COX18: variants seen among roughly 807,000 people sequenced by gnomAD.
COX18 encodes cytochrome c oxidase assembly factor COX18, also known as cytochrome c oxidase assembly protein COX18, mitochondrial.
In COX18, 45 loss-of-function variants were observed where a neutral mutation model predicts 38.0. That is an observed-to-expected ratio of 1.18 (90% CI 0.93 to 1.52). The LOEUF is 1.52. Among genes scored for constraint, COX18 ranks in the 40% most tolerant of loss-of-function variants. The pLI, the probability that COX18 is intolerant of heterozygous loss-of-function variation, is 0.00. For synonymous variants in COX18, 177 were observed against 169.8 expected, an observed-to-expected ratio of 1.04 and a Z score of -0.33; for missense variants, 462 against 423.8, an observed-to-expected ratio of 1.09 and a Z score of -0.79.
intron 3 of COX18, 55 bp downstream of exon 3, chr4:73,065,195 T>TAGTAAAAA: frequency 8.1e-7 from 1 of 1,241,506 alleles, no homozygotes; most frequent in Non-Finnish European, 1.1e-6. Context: ...TTTTTTTTTT[T>TAGTAAAAA]TAGTACAAAG....
At chr4:73,067,864 A>AAAAAAAATATATAAATATAT in intron 2 of COX18, among the ~76,000 whole-genome samples, 165 bp downstream of exon 2, 1 of 20,010 alleles carries the variant, frequency 5.0e-5, no homozygotes, top group Non-Finnish European at 1.6e-4. Context: ...AAAAAAAAAA[A>AAAAAAAATATATAAATATAT]ATATATATAT....
In COX18 at chr4:73,057,198, G is replaced by A. The variant is rs1321681360; in HGVS notation, c.*916C>T. 1 of 151,890 alleles carries A rather than the reference G, an allele frequency of 6.6e-6. No homozygotes were observed. Among genetic ancestry groups the A allele is most frequent in the African/African-American group, 2.4e-5 (1 of 41,328 alleles). 9.4% of individuals were successfully genotyped at this position (151,890 alleles called of 1,614,324 possible). ...TCCCAGCACTATGGGAGGCCAAGGA[G>A]GGTGGATTAGTTGAGGTCAGCAGTT... On this transcript the variant is annotated 3_prime_UTR_variant, in exon 6 of 6. Coordinates refer to ENST00000507544, the MANE Select transcript of COX18 (RefSeq NM_001297732.2).
chr4:73,065,493 G>A (rs1560474776), intron 2 of COX18, 80 bp from the exon 3 acceptor site: 1 of 1,239,580 alleles, frequency 8.1e-7, no homozygotes, highest in Non-Finnish European at 1.1e-6. Flanking sequence ...AGCACAAATA[G>A]CGCCTGCTGT....
chr4:73,067,578 A>G (rs907452572), intron 2 of COX18, among the ~76,000 whole-genome samples: 5 of 151,936 alleles, frequency 3.3e-5, no homozygotes, highest in African/African-American at 1.2e-4. Flanking sequence ...ACGGTGGCTC[A>G]CGCCTGTAAT....
At chr4:73,068,226 G>A (rs1276170315) in intron 1 of COX18, 97 bp from the exon 2 acceptor site, 3 of 719,188 alleles carry the variant, frequency 4.2e-6, no homozygotes, top group African/African-American at 1.8e-5. Flanking sequence ...ATTTAAAAAT[G>A]TAGTTTACTG....
rs866711325 is a variant in COX18, at chr4:73,069,000, C to T, written c.333+317G>A. Among the ~76,000 whole-genome samples, 49 of 152,338 alleles carry T rather than the reference C, an allele frequency of 3.2e-4. No individual in the cohort carries two copies. The Middle Eastern group carries it at 0.014, about 42-fold the overall frequency. On this transcript the variant is annotated intron_variant, in intron 1 of 5. Coordinates refer to ENST00000507544, the MANE Select transcript of COX18 (RefSeq NM_001297732.2). ...ACATAAATTTTGTAGGTTTCGCCAACACAATTTCTTCTGCGACTGATTTCT... is the reference window on the plus strand; with the variant it reads ...ACATAAATTTTGTAGGTTTCGCCAATACAATTTCTTCTGCGACTGATTTCT...
intron 5 of COX18, among the ~76,000 whole-genome samples, chr4:73,059,554 A>C (rs1245875740): frequency 6.6e-6 from 1 of 152,202 alleles, no homozygotes; most frequent in Non-Finnish European, 1.5e-5. Flanking sequence ...GGAGGAGCCA[A>C]ACTGCTTAGA....
chr4:73,065,490 A>AT, intron 2 of COX18, 77 bp from the exon 3 acceptor site: 2 of 1,264,852 alleles, frequency 1.6e-6, no homozygotes, highest in Non-Finnish European at 2.2e-6. Context: ...CATAGCACAA[A>AT]TAGCGCCTGC....
rs1719828345 is a variant in COX18, at chr4:73,054,784, T to C, written c.*3330A>G. ...CCAAAGATGTTTTTTCCTACTTTCT[T>C]TTTTGTACAGACAAGGTCTCACTAT... On this transcript the variant is annotated 3_prime_UTR_variant, in exon 6 of 6. Transcript: ENST00000507544. 1 of 152,224 alleles carries C rather than the reference T, an allele frequency of 6.6e-6. No homozygotes were observed. Among genetic ancestry groups the C allele is most frequent in the Admixed American group, 6.5e-5 (1 of 15,286 alleles). The allele number at this position is 152,224 out of a possible 1,614,324, so 9.4% of individuals were successfully genotyped here.
In COX18 at chr4:73,057,141, A is replaced by C. The variant is rs1719935262; in HGVS notation, c.*973T>G. 1 of 146,356 alleles carries C rather than the reference A, an allele frequency of 6.8e-6. No homozygotes were observed. Among genetic ancestry groups the C allele is most frequent in the African/African-American group, 2.5e-5 (1 of 39,224 alleles). 9.1% of individuals were successfully genotyped at this position (146,356 alleles called of 1,614,324 possible). A position where few individuals can be genotyped will look rare whatever the true frequency, so the allele number is the denominator to read the frequency against. On this transcript the variant is annotated 3_prime_UTR_variant, in exon 6 of 6. Coordinates refer to ENST00000507544, the MANE Select transcript of COX18 (RefSeq NM_001297732.2). Reference sequence around the variant, plus strand: ...GTCTCATTAAAAAAATTAAAAAAAAAAAATGCTGGGTGAGGTGGCTCATGC... The same window carrying C: ...GTCTCATTAAAAAAATTAAAAAAAACAAATGCTGGGTGAGGTGGCTCATGC...
chr4:73,068,290 T>C (rs1030564063), intron 1 of COX18, among the ~76,000 whole-genome samples, 161 bp from the exon 2 acceptor site: 3 of 152,164 alleles, frequency 2.0e-5, no homozygotes, highest in African/African-American at 7.2e-5. Flanking sequence ...GCTTAAAATG[T>C]CCTCAGTCAC....
chr4:73,059,924 A>AT (rs1720067333), intron 5 of COX18, among the ~76,000 whole-genome samples: 1 of 152,050 alleles, frequency 6.6e-6, no homozygotes, highest in Non-Finnish European at 1.5e-5. Flanking sequence ...AAAAAAGACT[A>AT]TATTTCCTTG....
intron 2 of COX18, 33 bp from the exon 3 acceptor site, chr4:73,065,446 G>T (rs185086926): frequency 2.2e-5 from 35 of 1,564,480 alleles, no homozygotes; most frequent in Non-Finnish European, 2.9e-5. Context: ...AAAGGGGAAA[G>T]AGAAAATGTC....
At chr4:73,064,944 T>C (rs1229841127) in intron 3 of COX18, 42 bp from the exon 4 acceptor site, 3 of 1,586,812 alleles carry the variant, frequency 1.9e-6, no homozygotes, top group Non-Finnish European at 2.6e-6. Context: ...GTCCTAAAAA[T>C]AGCAGAGAAA....
intron 4 of COX18, among the ~76,000 whole-genome samples, chr4:73,062,324 C>A (rs1186704359): frequency 2.6e-5 from 4 of 151,976 alleles, no homozygotes; most frequent in Non-Finnish European, 4.4e-5. Flanking sequence ...TGCCACTGCA[C>A]TCCAGCCTGG....
intron 5 of COX18, among the ~76,000 whole-genome samples, chr4:73,060,276 C>A (rs191839392): frequency 4.6e-5 from 7 of 152,292 alleles, no homozygotes; most frequent in Admixed American, 3.9e-4. Flanking sequence ...TGAACTCAAT[C>A]CCTCATTAAA....
intron 5 of COX18, among the ~76,000 whole-genome samples, chr4:73,059,690 G>T (rs1443578901): frequency 1.3e-5 from 2 of 152,146 alleles, no homozygotes; most frequent in African/African-American, 4.8e-5. Flanking sequence ...GCGCTGTTGG[G>T]ACAATTACAT....
At chr4:73,064,209 C>T (rs984659480) in intron 4 of COX18, among the ~76,000 whole-genome samples, 27 of 151,478 alleles carry the variant, frequency 1.8e-4, no homozygotes, top group Admixed American at 3.3e-4. Context: ...GCCAAGACTG[C>T]GCCATTACAC....
chr4:73,062,415 T>C (rs1577951385), intron 4 of COX18, among the ~76,000 whole-genome samples: 1 of 135,084 alleles, frequency 7.4e-6, no homozygotes, highest in South Asian at 2.4e-4. Flanking sequence ...TAAACGGAGG[T>C]TTTTTGACAC....
Sources: gnomAD v4.1 joint callset for allele counts (sites outside exome capture counted in the v4.1 genomes callset) on GRCh38, gnomAD v4.1.1 for gene constraint, MANE v1.5 for transcripts, NCBI Gene and HGNC (gene_info 2026-07-23, HGNC 2026-07-21) for gene names.